Variants in TMEM131L observed in about 807,000 individuals in gnomAD.
TMEM131L encodes transmembrane 131 like.
A neutral mutation model predicts 192.2 loss-of-function variants in TMEM131L; 54 were observed. The observed-to-expected ratio is 0.28, with a 90% confidence interval of 0.23 to 0.35. TMEM131L has a LOEUF of 0.35. TMEM131L is among the 10% of genes least tolerant of loss of function. TMEM131L has a pLI of 1.00. For missense variants in TMEM131L, 1,888 were observed against 1,972.9 expected, an observed-to-expected ratio of 0.96 and a Z score of 0.82; for synonymous variants, 701 against 704.9, an observed-to-expected ratio of 0.99 and a Z score of 0.09.
At chr4:153,588,188 G>A (rs1342217320) in intron 15 of TMEM131L, among the ~76,000 whole-genome samples, 1 of 151,484 alleles carries the variant, frequency 6.6e-6, no homozygotes, top group Non-Finnish European at 1.5e-5. Flanking sequence ...AGTTATAGGA[G>A]TGTAAACATC....
chr4:153,498,143 G>T, intron 3 of TMEM131L, among the ~76,000 whole-genome samples: 1 of 152,162 alleles, frequency 6.6e-6, no homozygotes, highest in East Asian at 1.9e-4. Context: ...AGATGTAGGA[G>T]GATGGAAAAT....
chr4:153,504,632 GATCAGTCTGAGTTGTAATATAA>G (rs1368115099), intron 3 of TMEM131L, among the ~76,000 whole-genome samples: 1 of 152,032 alleles, frequency 6.6e-6, no homozygotes, highest in Non-Finnish European at 1.5e-5. Flanking sequence ...TTTGCTGATT[GATCAGTCTGAGTTGTAATATAA>G]ATTTTCTTAT....
chr4:153,593,850 C>T lies in TMEM131L; in HGVS notation c.1974C>T (p.Leu658=). 10 of 1,613,142 alleles carry T rather than the reference C, an allele frequency of 6.2e-6. No homozygotes were observed. Among genetic ancestry groups the T allele is most frequent in the Non-Finnish European group, 8.5e-6 (10 of 1,179,142 alleles). ...MINFTTGEFQ[L]TEACPYLGTH... Reference sequence around the variant, plus strand: ...ATTTCACAACTGGTGAATTCCAGCTCACCGAAGCTTGCCCTTACCTGGTAG... The same window carrying T: ...ATTTCACAACTGGTGAATTCCAGCTTACCGAAGCTTGCCCTTACCTGGTAG... Residue 658 remains leucine, a synonymous_variant, in exon 19 of 35, where the codon CTC becomes CTT. Transcript: ENST00000409959.
chr4:153,636,678 G>T lies in TMEM131L; in HGVS notation c.*102G>T. The T allele has an allele frequency of 1.7e-6, 2 of 1,202,250 alleles. No individual in the cohort carries two copies. The highest frequency in any genetic ancestry group is 2.3e-6 in the Non-Finnish European group (2 of 866,610). The allele number at this position is 1,202,250 out of a possible 1,614,324, so 74.5% of individuals were successfully genotyped here. ...GATTATGACATTGGTGGATATTTTG[G>T]CACTTTTATATGAAAATAAATTTTT... On this transcript the variant is annotated 3_prime_UTR_variant, in exon 35 of 35. Coordinates refer to ENST00000409959, the MANE Select transcript of TMEM131L (RefSeq NM_001131007.2).
chr4:153,474,829 TAC>T (rs1237357332), intron 3 of TMEM131L, among the ~76,000 whole-genome samples: 1 of 152,138 alleles, frequency 6.6e-6, no homozygotes, highest in African/African-American at 2.4e-5. Context: ...GTGCTGGGAT[TAC>T]AGACATGAGC....
At chr4:153,491,408 A>G (rs1732769963) in intron 3 of TMEM131L, among the ~76,000 whole-genome samples, 1 of 152,122 alleles carries the variant, frequency 6.6e-6, no homozygotes, top group African/African-American at 2.4e-5. Flanking sequence ...GACGGTAATT[A>G]GAGGTGTCAG....
chr4:153,477,635 A>G (rs544929095), intron 3 of TMEM131L, among the ~76,000 whole-genome samples: 44 of 152,360 alleles, frequency 2.9e-4, no homozygotes, highest in Non-Finnish European at 5.9e-5. Context: ...GTGTACTTGC[A>G]AGCATATACA....
intron 3 of TMEM131L, among the ~76,000 whole-genome samples, chr4:153,513,472 G>A (rs1382195758): frequency 6.6e-6 from 1 of 152,084 alleles, no homozygotes; most frequent in Non-Finnish European, 1.5e-5. Flanking sequence ...AGCACTTTAG[G>A]TATCAGGCAG....
chr4:153,561,060 G>GT lies in TMEM131L; in HGVS notation c.660+2698dup, dbSNP rs1461641830. ...CAACACTTGTCTTCCATTTTTGTTT[G>GT]TTTTTTAAATAGCCATCTTACTGAG... On this transcript the variant is annotated intron_variant, in intron 7 of 34. Transcript: ENST00000409959. 5.3e-5 allele frequency among the ~76,000 whole-genome samples: 8 copies of GT among 152,096 alleles called. No individual in the cohort carries two copies. The East Asian group carries it at 9.6e-4, about 18-fold the overall frequency.
At chr4:153,633,038 A>G (rs1734323504) in intron 32 of TMEM131L, among the ~76,000 whole-genome samples, 200 bp downstream of exon 32, 1 of 152,122 alleles carries the variant, frequency 6.6e-6, no homozygotes, top group Admixed American at 6.5e-5. Flanking sequence ...AAATAAAAGA[A>G]AGAAAGCTGG....
At chr4:153,548,711 A>G (rs1208301827) in intron 3 of TMEM131L, among the ~76,000 whole-genome samples, 4 of 152,306 alleles carry the variant, frequency 2.6e-5, no homozygotes, top group Non-Finnish European at 5.9e-5. Flanking sequence ...AAAGGCAGAA[A>G]GTGGAGGGAG....
At chr4:153,635,902 G>C (rs1051949899) in intron 34 of TMEM131L, among the ~76,000 whole-genome samples, 1 of 152,134 alleles carries the variant, frequency 6.6e-6, no homozygotes, top group Non-Finnish European at 1.5e-5. Flanking sequence ...TGGACTCACT[G>C]ATCTTTACTT....
At chr4:153,539,138 C>A (rs1736568494) in intron 3 of TMEM131L, among the ~76,000 whole-genome samples, 1 of 152,266 alleles carries the variant, frequency 6.6e-6, no homozygotes, top group East Asian at 1.9e-4. Context: ...GCTTTTCATA[C>A]AACATATGTT....
Position 153,587,770 on chromosome 4 carries a change from C to T in TMEM131L, c.1511C>T (p.Ala504Val), listed in dbSNP as rs764409951. ...KEGSLGFEVI[A>V]HCGMHYFMGK... ...GGGAGTCTGGGTTTTGAAGTGATAGCACATTGTGGCATGCATTATTTCATG... is the reference window on the plus strand; with the variant it reads ...GGGAGTCTGGGTTTTGAAGTGATAGTACATTGTGGCATGCATTATTTCATG... Residue 504 changes from alanine to valine, a missense_variant, in exon 15 of 35, where the codon GCA becomes GTA. Physicochemically the swap from Ala to Val is moderately conservative, Grantham distance 64 (BLOSUM62 0). Coordinates refer to ENST00000409959, the MANE Select transcript of TMEM131L (RefSeq NM_001131007.2). 1.9e-6 allele frequency: 3 copies of T among 1,613,318 alleles called. No individual in the cohort carries two copies. In the South Asian group the frequency reaches 3.3e-5, roughly 18 times the overall value.
intron 4 of TMEM131L, among the ~76,000 whole-genome samples, chr4:153,551,836 T>C (rs1260099670): frequency 1.3e-5 from 2 of 152,210 alleles, no homozygotes; most frequent in African/African-American, 2.4e-5. Context: ...AGTAGTTTAG[T>C]TGATAATATA....
At chr4:153,604,611 G>A (rs1011174125) in intron 25 of TMEM131L, among the ~76,000 whole-genome samples, 181 bp downstream of exon 25, 1 of 152,176 alleles carries the variant, frequency 6.6e-6, no homozygotes, top group Non-Finnish European at 1.5e-5. Flanking sequence ...TTAAAATGTT[G>A]TGACTAAGAG....
Position 153,545,702 on chromosome 4 carries a change from C to G in TMEM131L, c.240-4371C>G, listed in dbSNP as rs577638358. Among the ~76,000 whole-genome samples, 4 of 152,148 alleles carry G rather than the reference C, an allele frequency of 2.6e-5. No individual in the cohort carries two copies. The East Asian group carries it at 5.8e-4, about 22-fold the overall frequency. On this transcript the variant is annotated intron_variant, in intron 3 of 34. Coordinates refer to ENST00000409959, the MANE Select transcript of TMEM131L (RefSeq NM_001131007.2). Reference sequence around the variant, plus strand: ...GCCAGGTAAAATCTTAGGCAAAGATCAATGTTTTTTCAAAATAAGACATGT... The same window carrying G: ...GCCAGGTAAAATCTTAGGCAAAGATGAATGTTTTTTCAAAATAAGACATGT...
chr4:153,586,068 T>C, intron 13 of TMEM131L, 141 bp from the exon 14 acceptor site: 1 of 567,812 alleles, frequency 1.8e-6, no homozygotes, highest in Non-Finnish European at 2.8e-6. Flanking sequence ...TCTATAAAAA[T>C]ATTCCAACTT....
chr4:153,504,035 C>A (rs531578132), intron 3 of TMEM131L, among the ~76,000 whole-genome samples: 2 of 152,022 alleles, frequency 1.3e-5, no homozygotes, highest in Non-Finnish European at 2.9e-5. Context: ...GGTGCTATCT[C>A]GGCTCACTGC....
Sources: gnomAD v4.1 joint callset for allele counts (sites outside exome capture counted in the v4.1 genomes callset) on GRCh38, gnomAD v4.1.1 for gene constraint, MANE v1.5 for transcripts, NCBI Gene and HGNC (gene_info 2026-07-23, HGNC 2026-07-21) for gene names.